The following TRPM3 variants were observed in gnomAD, a reference collection of about 807,000 sequenced individuals.
TRPM3 encodes the protein transient receptor potential cation channel subfamily M member 3.
TRPM3 carries 77 observed loss-of-function variants against 181.2 expected under a neutral mutation model. The observed-to-expected ratio is 0.42, with a 90% confidence interval of 0.35 to 0.51. TRPM3 has a LOEUF of 0.51. Among genes scored for constraint, TRPM3 ranks in the 20% least tolerant of loss-of-function variants. TRPM3 has a pLI of 0.01. For missense variants in TRPM3, 1,759 were observed against 2,196.7 expected, an observed-to-expected ratio of 0.80 and a Z score of 3.98; for synonymous variants, 745 against 796.4, an observed-to-expected ratio of 0.94 and a Z score of 1.09.
chr9:71,298,578 C>T (rs2086496752), intron 1 of TRPM3, among the ~76,000 whole-genome samples: 1 of 151,570 alleles, frequency 6.6e-6, no homozygotes, highest in African/African-American at 2.4e-5. Flanking sequence ...TTAATTATAC[C>T]ATCATCTACT....
chr9:70,553,586 G>C (rs185712074), intron 22 of TRPM3, among the ~76,000 whole-genome samples: 1 of 152,088 alleles, frequency 6.6e-6, no homozygotes, highest in Non-Finnish European at 1.5e-5. Flanking sequence ...TCACACTGCC[G>C]CTAGGCCCCT....
rs115920980 is a variant in TRPM3 at position 70,684,129 on chromosome 9, C to T, written c.1273-2551G>A. ...ATCACATTTCAGATGGAAATTCTTC[C>T]GAGGCAGCAAATAGATAAGATTAAA... On this transcript the variant is annotated intron_variant, in intron 8 of 25. Transcript: ENST00000677713. Among the ~76,000 whole-genome samples the T allele has an allele frequency of 2.2e-3, 328 of 152,178 alleles. 1 individual carries two copies. Among genetic ancestry groups the T allele is most frequent in the African/African-American group, 7.5e-3 (311 of 41,506 alleles).
At position 71,174,072 on chromosome 9, in the gene TRPM3, T is replaced by G. The variant is rs559379106; in HGVS notation, c.183+272581A>C. On this transcript the variant is annotated intron_variant, in intron 1 of 24. Transcript: ENST00000357533. ...ATCTTAGCACCAAGCCAAAGGCATATGTCTGTACGAGTATTTATATATTTC... is the reference window on the plus strand; with the variant it reads ...ATCTTAGCACCAAGCCAAAGGCATAGGTCTGTACGAGTATTTATATATTTC... Among the ~76,000 whole-genome samples the G allele has an allele frequency of 5.2e-4, 79 of 152,332 alleles. 2 individuals carry two copies. In the South Asian group the frequency reaches 0.016, roughly 31 times the overall value.
At chr9:70,981,720 C>A (rs2097365558) in intron 1 of TRPM3, among the ~76,000 whole-genome samples, 1 of 152,114 alleles carries the variant, frequency 6.6e-6, no homozygotes, top group Non-Finnish European at 1.5e-5. Flanking sequence ...GTTGTAAGTA[C>A]TCAATTAATG....
chr9:71,228,391 A>G (rs1206294728), intron 1 of TRPM3, among the ~76,000 whole-genome samples: 1 of 152,102 alleles, frequency 6.6e-6, no homozygotes, highest in Non-Finnish European at 1.5e-5. Flanking sequence ...GGGAAAAACA[A>G]ACTTTTCCTC....
intron 7 of TRPM3, among the ~76,000 whole-genome samples, chr9:70,781,001 C>G (rs1228220257): frequency 6.6e-6 from 1 of 151,970 alleles, no homozygotes; most frequent in Non-Finnish European, 1.5e-5. Flanking sequence ...TAAAAAATTA[C>G]AACAAAAACT....
intron 5 of TRPM3, among the ~76,000 whole-genome samples, chr9:70,832,675 G>A (rs891437491): frequency 3.3e-5 from 5 of 152,198 alleles, no homozygotes; most frequent in African/African-American, 9.6e-5. Flanking sequence ...TCATGGGCTG[G>A]TGGCAGAGTG....
At chr9:70,587,450 A>G (rs1588914949) in intron 22 of TRPM3, among the ~76,000 whole-genome samples, 1 of 152,256 alleles carries the variant, frequency 6.6e-6, no homozygotes, top group South Asian at 2.1e-4. Flanking sequence ...AGCCAGAGAC[A>G]CCCCGTTTTC....
intron 22 of TRPM3, among the ~76,000 whole-genome samples, chr9:70,572,985 T>C (rs1409615389): frequency 6.6e-6 from 1 of 152,222 alleles, no homozygotes; most frequent in African/African-American, 2.4e-5. Context: ...TCTTCAGAAG[T>C]GAAATTTATA....
chr9:71,024,960 A>G (rs1273775365), intron 1 of TRPM3, among the ~76,000 whole-genome samples: 3 of 152,138 alleles, frequency 2.0e-5, no homozygotes, highest in Non-Finnish European at 4.4e-5. Context: ...CCATCCAGAT[A>G]CACACAATGC....
chr9:71,114,496 C>T (rs2071853952), intron 1 of TRPM3, among the ~76,000 whole-genome samples: 1 of 152,036 alleles, frequency 6.6e-6, no homozygotes, highest in Non-Finnish European at 1.5e-5. Context: ...AAAAAATTTT[C>T]CAAGTATAAA....
chr9:71,081,055 C>G (rs1432201786), intron 1 of TRPM3, among the ~76,000 whole-genome samples: 2 of 152,032 alleles, frequency 1.3e-5, no homozygotes, highest in Non-Finnish European at 2.9e-5. Context: ...TAGGACTGTC[C>G]CTCTCAGCTC....
At chr9:71,058,528 A>T (rs1212989782) in intron 1 of TRPM3, among the ~76,000 whole-genome samples, 2 of 152,028 alleles carry the variant, frequency 1.3e-5, no homozygotes, top group African/African-American at 4.8e-5. Flanking sequence ...ATCTTGTACC[A>T]GTTTCCAAAA....
chr9:70,907,040 G>C (rs896322837), intron 1 of TRPM3, among the ~76,000 whole-genome samples: 1 of 152,150 alleles, frequency 6.6e-6, no homozygotes. Flanking sequence ...ATCTACTCTT[G>C]AGATTTATAT....
intron 1 of TRPM3, among the ~76,000 whole-genome samples, chr9:71,288,011 A>T (rs1504390): frequency 0.22 from 33,808 of 151,900 alleles, 4,170 homozygotes; most frequent in African/African-American, 0.3. Flanking sequence ...ACTACCCCTT[A>T]TCAATTTAGA....
At chr9:71,275,501 T>C (rs983971910) in intron 1 of TRPM3, among the ~76,000 whole-genome samples, 2 of 152,146 alleles carry the variant, frequency 1.3e-5, no homozygotes, top group African/African-American at 2.4e-5. Context: ...TGTGTGTGTG[T>C]GCACATGTAT....
intron 3 of TRPM3, among the ~76,000 whole-genome samples, chr9:70,847,217 T>C (rs1193814607): frequency 6.6e-6 from 1 of 152,112 alleles, no homozygotes; most frequent in Non-Finnish European, 1.5e-5. Flanking sequence ...TGTTACCAGA[T>C]GCAACTGGAA....
At chr9:70,751,483 G>A (rs763787114) in intron 8 of TRPM3, among the ~76,000 whole-genome samples, 15 of 152,046 alleles carry the variant, frequency 9.9e-5, no homozygotes, top group Admixed American at 6.6e-5. Flanking sequence ...CATGATAGGA[G>A]ACTTAAAATT....
intron 7 of TRPM3, 92 bp from the exon 8 acceptor site, chr9:70,761,816 G>A: frequency 2.1e-6 from 3 of 1,442,972 alleles, no homozygotes; most frequent in Non-Finnish European, 1.9e-6. Context: ...AAATAATGAG[G>A]GTTTACTTTA....
Sources: allele counts gnomAD v4.1 joint callset (sites outside exome capture counted in the v4.1 genomes callset), GRCh38; gene constraint gnomAD v4.1.1; transcripts MANE v1.5; gene names NCBI Gene and HGNC (gene_info 2026-07-23, HGNC 2026-07-21).